PHF13: variants seen among roughly 807,000 people sequenced by gnomAD.
PHF13 encodes the protein PHD zinc finger protein PHF5.
PHF13 carries 1 observed loss-of-function variant against 25.8 expected under a neutral mutation model. The ratio of observed to expected loss-of-function variants is 0.04; its 90% confidence interval spans 0.01 to 0.18. The LOEUF (loss-of-function observed/expected upper bound fraction) is 0.18. PHF13 is among the 10% of genes least tolerant of loss of function. PHF13 has a pLI of 1.00. For synonymous variants in PHF13, 195 were observed against 162.4 expected, an observed-to-expected ratio of 1.20 and a Z score of -1.53; for missense variants, 306 against 403.2, an observed-to-expected ratio of 0.76 and a Z score of 2.06.
chr1:6,622,110 A>G lies in PHF13; in HGVS notation c.*473A>G, dbSNP rs533893460. 14 of 189,034 alleles carry G rather than the reference A, an allele frequency of 7.4e-5. No individual in the cohort carries two copies. The South Asian group carries it at 1.5e-3, about 20-fold the overall frequency. 11.7% of individuals were successfully genotyped at this position (189,034 alleles called of 1,614,324 possible). On this transcript the variant is annotated 3_prime_UTR_variant, in exon 4 of 4. Transcript: ENST00000377648. ...TACCAAAAGTGTCTGTACAGCAGCC[A>G]TCCAAGTTGCCCCTACTTAGTGGCT...
intron 1 of PHF13, chr1:6,614,348 G>A: frequency 6.0e-6 from 3 of 498,004 alleles, no homozygotes; most frequent in Non-Finnish European, 7.0e-6. Flanking sequence ...CCTTTCCCCA[G>A]GGCCGTTGCG....
rs1244417990 is a variant in PHF13 at position 6,620,159 on chromosome 1, C to T, written c.498C>T (p.Asp166=). The T allele has an allele frequency of 6.2e-7, 1 of 1,613,950 alleles. No individual in the cohort carries two copies. Among genetic ancestry groups the T allele is most frequent in the African/African-American group, 1.3e-5 (1 of 75,050 alleles). ...AGGATATCCCCCAGGCTCCCAGCGA[C>T]CCCTGCTCGGGCTGGGACTCCGATA... ...TLQDIPQAPS[D]PCSGWDSDTP... The change falls in exon 3 of 4, where the codon GAC becomes GAT. Residue 166 remains aspartate, a synonymous_variant. Coordinates refer to ENST00000377648, the MANE Select transcript of PHF13 (RefSeq NM_153812.3).
chr1:6,620,769 C>T (rs1234100460), intron 3 of PHF13, among the ~76,000 whole-genome samples: 3 of 151,872 alleles, frequency 2.0e-5, no homozygotes, highest in Non-Finnish European at 2.9e-5. Context: ...CCTGTAATCC[C>T]AGCACTTTGG....
At chr1:6,615,052 G>T (rs1347881430) in intron 1 of PHF13, among the ~76,000 whole-genome samples, 10 of 151,374 alleles carry the variant, frequency 6.6e-5, no homozygotes, top group Non-Finnish European at 1.3e-4. Flanking sequence ...CACCTTCGGG[G>T]GCCGAGTGTC....
At chr1:6,618,706 C>A (rs564006778) in intron 2 of PHF13, among the ~76,000 whole-genome samples, 2 of 152,080 alleles carry the variant, frequency 1.3e-5, no homozygotes, top group Non-Finnish European at 2.9e-5. Flanking sequence ...TGTGGTGGTG[C>A]GATCTCAGCT....
intron 1 of PHF13, chr1:6,614,456 C>T: frequency 3.9e-6 from 1 of 256,330 alleles, no homozygotes; most frequent in Non-Finnish European, 7.5e-6. Flanking sequence ...TTACTCTTTC[C>T]CCGCCCCCGG....
intron 1 of PHF13, among the ~76,000 whole-genome samples, chr1:6,614,894 G>C (rs1259736211): frequency 6.6e-6 from 1 of 150,740 alleles, no homozygotes; most frequent in Non-Finnish European, 1.5e-5. Context: ...CGGGTCCGGC[G>C]ACCGCGGGCG....
intron 2 of PHF13, among the ~76,000 whole-genome samples, chr1:6,618,642 CTTTCTTTT>C (rs956390771): frequency 1.3e-5 from 2 of 152,068 alleles, no homozygotes; most frequent in Admixed American, 6.6e-5. Flanking sequence ...GCTTTCTTTT[CTTTCTTTT>C]TTTCTTTTTT....
rs1010595188 is a variant in PHF13 at position 6,613,783 on chromosome 1, C to A, written c.-284C>A. The A allele has an allele frequency of 2.3e-5, 5 of 217,382 alleles. No individual in the cohort carries two copies. Among genetic ancestry groups the A allele is most frequent in the South Asian group, 1.7e-4 (4 of 22,958 alleles). 13.5% of individuals were successfully genotyped at this position (217,382 alleles called of 1,614,324 possible). A position where few individuals can be genotyped will look rare whatever the true frequency, so the allele number is the denominator to read the frequency against. On this transcript the variant is annotated 5_prime_UTR_variant, in exon 1 of 4. Transcript: ENST00000377648. ...CTGGGCGTCAGGTCGGGGAGCCGGT[C>A]GGGTTCCCGCTCACCGCCGCCGCCG...
intron 2 of PHF13, 138 bp downstream of exon 2, chr1:6,616,996 C>T (rs1194870679): frequency 3.0e-6 from 2 of 657,972 alleles, no homozygotes; most frequent in African/African-American, 1.8e-5. Flanking sequence ...AGTCACTAGT[C>T]TGGCAGAAAT....
In PHF13 at chr1:6,613,795, C is replaced by A; in HGVS notation, c.-272C>A. On this transcript the variant is annotated 5_prime_UTR_variant, in exon 1 of 4. Coordinates refer to ENST00000377648, the MANE Select transcript of PHF13 (RefSeq NM_153812.3). ...TCGGGGAGCCGGTCGGGTTCCCGCT[C>A]ACCGCCGCCGCCGCCGCCCCCTGCA... 2.8e-6 allele frequency: 1 copy of A among 355,190 alleles called. No individual in the cohort carries two copies. The highest frequency in any genetic ancestry group is 5.9e-5 in the East Asian group (1 of 17,024). The allele number at this position is 355,190 out of a possible 1,614,324, so 22.0% of individuals were successfully genotyped here.
chr1:6,617,798 A>G (rs1641283530), intron 2 of PHF13, among the ~76,000 whole-genome samples: 2 of 152,214 alleles, frequency 1.3e-5, no homozygotes, highest in South Asian at 2.1e-4. Context: ...TTCTTGGCCT[A>G]TGTAATGCTA....
rs1264831841 is a variant in PHF13, at chr1:6,621,265, C to T, written c.677-146C>T. On this transcript the variant is annotated intron_variant, in intron 3 of 3. Transcript: ENST00000377648. The surrounding 1 kb of genome is among the most constrained non-coding windows in gnomAD (Gnocchi z 4.8). The stretch of plus-strand genomic sequence containing the variant: ...GGTTCCCACACATTTTGGAGCCCCT[C>T]GTGCCTTTTCAGAGAGAAGTGTCAG... The T allele has an allele frequency of 1.4e-5, 11 of 806,356 alleles. No homozygotes were observed. The highest frequency in any genetic ancestry group is 2.3e-5 in the Admixed American group (1 of 43,872). The allele number at this position is 806,356 out of a possible 1,614,324, so 50.0% of individuals were successfully genotyped here.
chr1:6,616,141 G>T (rs1227818880), intron 1 of PHF13, among the ~76,000 whole-genome samples: 2 of 145,802 alleles, frequency 1.4e-5, no homozygotes, highest in African/African-American at 2.5e-5. Context: ...CGATTCTCCT[G>T]CCTCAGCCTC....
chr1:6,619,774 A>T (rs1469118219), intron 2 of PHF13, 29 bp from the exon 3 acceptor site: 33 of 1,562,134 alleles, frequency 2.1e-5, no homozygotes, highest in Non-Finnish European at 2.8e-5. Flanking sequence ...GTCACCAGTA[A>T]CTGGAATCTG....
Position 6,621,066 on chromosome 1 carries a change from T to C in PHF13, c.677-345T>C, listed in dbSNP as rs370873662. Among the ~76,000 whole-genome samples the C allele has an allele frequency of 1.4e-5, 2 of 146,698 alleles. No homozygotes were observed. Among genetic ancestry groups the C allele is most frequent in the Non-Finnish European group, 3.0e-5 (2 of 67,026 alleles). On this transcript the variant is annotated intron_variant, in intron 3 of 3. Transcript: ENST00000377648. This position sits in a 1 kb window ranked among gnomAD's most constrained non-coding sequence, Gnocchi z 4.8. ...AAAAAACAATAGTCGAGTGTGGTGGTGTGTGCCTGTAGTCCCAGCTATTTG... is the reference window on the plus strand; with the variant it reads ...AAAAAACAATAGTCGAGTGTGGTGGCGTGTGCCTGTAGTCCCAGCTATTTG...
rs1249226030 is a variant in PHF13, at chr1:6,623,552, T to C, written c.*1915T>C. The stretch of plus-strand genomic sequence containing the variant: ...TTTTAAAGGTGCATTTAAGAATCCA[T>C]GTGACTTTAGAATGGAACTGCCGGC... On this transcript the variant is annotated 3_prime_UTR_variant, in exon 4 of 4. Coordinates refer to ENST00000377648, the MANE Select transcript of PHF13 (RefSeq NM_153812.3). 6.6e-6 allele frequency: 1 copy of C among 152,606 alleles called. No individual in the cohort carries two copies. Among genetic ancestry groups the C allele is most frequent in the Non-Finnish European group, 1.5e-5 (1 of 68,044 alleles). 9.5% of individuals were successfully genotyped at this position (152,606 alleles called of 1,614,324 possible).
Position 6,614,082 on chromosome 1 carries a change from T to C in PHF13, c.16T>C (p.Cys6Arg). 6.3e-7 allele frequency: 1 copy of C among 1,595,776 alleles called. No homozygotes were observed. The highest frequency in any genetic ancestry group is 8.5e-7 in the Non-Finnish European group (1 of 1,172,764). The part of the protein sequence containing the change: MDSDS[C>R]AAAFHPEEYS... ...CGCCCGGAACATGGACTCTGACTCT[T>C]GCGCCGCCGCCTTCCACCCGGAGGT... Residue 6 changes from cysteine to arginine, a missense_variant, in exon 1 of 4, where the codon TGC becomes CGC. This residue lies in a region of PHF13 where 31 missense variants were observed against 23.9 expected (regional missense o/e 1.30). Coordinates refer to ENST00000377648, the MANE Select transcript of PHF13 (RefSeq NM_153812.3).
chr1:6,616,527 C>A (rs1641263511), intron 1 of PHF13, among the ~76,000 whole-genome samples: 1 of 152,232 alleles, frequency 6.6e-6, no homozygotes, highest in African/African-American at 2.4e-5. Context: ...TATCTCCCAG[C>A]TGATTTCCCA....
Sources: gnomAD v4.1 joint callset for allele counts (sites outside exome capture counted in the v4.1 genomes callset) on GRCh38, gnomAD v4.1.1 for gene constraint, gnomAD v4.1.1 regional missense constraint, Gnocchi (gnomAD v3.1) non-coding constraint, MANE v1.5 for transcripts, NCBI Gene and HGNC (gene_info 2026-07-23, HGNC 2026-07-21) for gene names.